The following MCM4 variants were observed in gnomAD, a reference collection of about 807,000 sequenced individuals.
MCM4 encodes the protein minichromosome maintenance complex component 4.
A neutral mutation model predicts 88.7 loss-of-function variants in MCM4; 60 were observed. The observed-to-expected ratio is 0.68, with a 90% confidence interval of 0.55 to 0.84. The LOEUF (loss-of-function observed/expected upper bound fraction) is 0.84, where lower values mean the gene tolerates loss of function less well. MCM4 is among the 40% of genes least tolerant of loss of function. The pLI, the probability that MCM4 is intolerant of heterozygous loss-of-function variation, is 0.00. For synonymous variants in MCM4, 465 were observed against 410.5 expected, an observed-to-expected ratio of 1.13 and a Z score of -1.61; for missense variants, 1,149 against 1,105.5, an observed-to-expected ratio of 1.04 and a Z score of -0.56.
In MCM4 at chr8:47,961,131, G is replaced by C. The variant is rs1418732858; in HGVS notation, c.-14G>C. The C allele has an allele frequency of 6.4e-7, 1 of 1,551,830 alleles. No individual in the cohort carries two copies. Among genetic ancestry groups the C allele is most frequent in the South Asian group, 1.2e-5 (1 of 86,242 alleles). ...GCCCGAGCTTGTCCTTGTCGCGCAG[G>C]TACTCCGAGCACTATGTCGTCCCCG... On this transcript the variant is annotated splice_region_variant and 5_prime_UTR_variant, in exon 2 of 17. Coordinates refer to ENST00000649973, the MANE Select transcript of MCM4 (RefSeq NM_182746.3).
Position 47,974,947 on chromosome 8 carries a change from T to A in MCM4, c.2350T>A (p.Ser784Thr), listed in dbSNP as rs372003508. The A allele has an allele frequency of 3.1e-6, 5 of 1,612,592 alleles. No homozygotes were observed. Among genetic ancestry groups the A allele is most frequent in the Non-Finnish European group, 4.2e-6 (5 of 1,179,016 alleles). ...TDPRTGIVDI[S>T]ILTTGMSATS... is the part of the protein sequence containing the mutation. Reference sequence around the variant, plus strand: ...TCCCCGGACTGGCATCGTGGACATATCTATTCTTACTACGGGTTCGTTATT... The same window carrying A: ...TCCCCGGACTGGCATCGTGGACATAACTATTCTTACTACGGGTTCGTTATT... Residue 784 changes from serine (S) to threonine (T), a missense_variant, in exon 15 of 17, where the codon TCT (serine) becomes ACT (threonine). This residue lies in a region of MCM4 where 238 missense variants were observed against 241.6 expected (regional missense o/e 0.99). Transcript: ENST00000649973.
At chr8:47,967,931 CATTT>C (rs1179740752) in intron 10 of MCM4, among the ~76,000 whole-genome samples, 2 of 152,144 alleles carry the variant, frequency 1.3e-5, no homozygotes, top group East Asian at 1.9e-4. Flanking sequence ...CAAGGGTTAA[CATTT>C]GTTTGTTACA....
intron 13 of MCM4, among the ~76,000 whole-genome samples, chr8:47,972,643 G>A (rs541313506): frequency 3.3e-5 from 5 of 152,084 alleles, no homozygotes; most frequent in South Asian, 4.2e-4. Context: ...CGCAACCTTC[G>A]CCTTCCAGGT....
chr8:47,972,799 C>A, intron 13 of MCM4, 58 bp from the exon 14 acceptor site: 1 of 1,411,860 alleles, frequency 7.1e-7, no homozygotes, highest in Non-Finnish European at 9.9e-7. Context: ...TCAGGTGATC[C>A]ACCTGCCTCG....
In MCM4 at chr8:47,976,831, T is replaced by C; in HGVS notation, c.*53T>C. On this transcript the variant is annotated 3_prime_UTR_variant, in exon 17 of 17. Transcript: ENST00000649973. ...CATGTCCTGCTTGCTGCACGCCACA[T>C]GGGTGTGGTCTGCATCTCAGTTGGC... 1 of 1,157,144 alleles carries C rather than the reference T, an allele frequency of 8.6e-7. No individual in the cohort carries two copies. The highest frequency in any genetic ancestry group is 1.7e-5 in the Admixed American group (1 of 59,198). 71.7% of individuals were successfully genotyped at this position (1,157,144 alleles called of 1,614,324 possible).
intron 14 of MCM4, 70 bp downstream of exon 14, chr8:47,973,134 C>A: frequency 1.6e-6 from 2 of 1,252,238 alleles, no homozygotes; most frequent in South Asian, 1.3e-5. Flanking sequence ...CAATCATCTC[C>A]TTTAAAATAT....
intron 7 of MCM4, among the ~76,000 whole-genome samples, chr8:47,963,773 G>A (rs893889574): frequency 2.6e-5 from 4 of 152,200 alleles, no homozygotes; most frequent in African/African-American, 9.7e-5. Flanking sequence ...GACTCTGGGT[G>A]TAGTCTTTGG....
chr8:47,976,991 C>T lies in MCM4; in HGVS notation c.*213C>T, dbSNP rs886062980. 18 of 370,078 alleles carry T rather than the reference C, an allele frequency of 4.9e-5. No individual in the cohort carries two copies. Among genetic ancestry groups the T allele is most frequent in the Middle Eastern group, 8.6e-4 (1 of 1,158 alleles). 22.9% of individuals were successfully genotyped at this position (370,078 alleles called of 1,614,324 possible). On this transcript the variant is annotated 3_prime_UTR_variant, in exon 17 of 17. Transcript: ENST00000649973. ...AAATAAAAATACTATGCTGGCCGGG[C>T]GCGGTGGCTCACACCTGTAATCCCA...
intron 14 of MCM4, chr8:47,974,149 TGA>T (rs2090980210): frequency 6.6e-6 from 1 of 152,506 alleles, no homozygotes; most frequent in Non-Finnish European, 1.5e-5. Context: ...CCTGGTGCTT[TGA>T]TGAGCTTTGC....
chr8:47,975,903 T>C, intron 16 of MCM4, 55 bp downstream of exon 16: 3 of 1,324,250 alleles, frequency 2.3e-6, no homozygotes, highest in Non-Finnish European at 2.0e-6. Context: ...TTCCTTAATA[T>C]TGCTTTTGGG....
chr8:47,962,390 G>T lies in MCM4; in HGVS notation c.485G>T (p.Cys162Phe). ...IWGTDVNVAA[C>F]KENFQRFLQR... ...GGAACAGATGTAAATGTGGCAGCATGCAAAGAAAACTTTCAGGTGAGCTAC... is the reference window on the plus strand; with the variant it reads ...GGAACAGATGTAAATGTGGCAGCATTCAAAGAAAACTTTCAGGTGAGCTAC... Residue 162 changes from cysteine (C) to phenylalanine (F), a missense_variant, in exon 5 of 17, where the codon TGC becomes TTC. Around this residue, in one of 3 missense-constraint regions of MCM4, gnomAD observed 906 missense variants for 843.0 expected, o/e 1.07. Coordinates refer to ENST00000649973, the MANE Select transcript of MCM4 (RefSeq NM_182746.3). 1 of 1,614,228 alleles carries T rather than the reference G, an allele frequency of 6.2e-7. No homozygotes were observed. The highest frequency in any genetic ancestry group is 8.5e-7 in the Non-Finnish European group (1 of 1,180,044).
rs148576543 is a variant in MCM4, at chr8:47,966,245, C to T, written c.891C>T (p.Pro297=). 4.6e-5 allele frequency: 74 copies of T among 1,614,070 alleles called. No individual in the cohort carries two copies. In the African/African-American group the frequency reaches 4.7e-4, roughly 10 times the overall value. ...TGATCAGGACATCCCAGCTGATTCC[C>T]GAGATGCAGGAGGCCTTCTTCCAGT... ...GMVIRTSQLI[P]EMQEAFFQCQ... Residue 297 remains proline (P), a synonymous_variant, in exon 9 of 17, where the codon CCC becomes CCT. Transcript: ENST00000649973.
rs2090882808 is a variant in MCM4 at position 47,964,694 on chromosome 8, A to G, written c.814A>G (p.Arg272Gly). 6.4e-7 allele frequency: 1 copy of G among 1,565,430 alleles called. No homozygotes were observed. The highest frequency in any genetic ancestry group is 2.3e-5 in the East Asian group (1 of 43,022). The change falls in exon 8 of 17, where the codon AGA (arginine) becomes GGA (glycine). Residue 272 changes from arginine to glycine, a missense_variant. By Grantham distance (125) the Arg-to-Gly change is moderately radical (BLOSUM62 -2). Coordinates refer to ENST00000649973, the MANE Select transcript of MCM4 (RefSeq NM_182746.3). Reference sequence around the variant, plus strand: ...CAACGCATTGAAGACTAAGAATATGAGAAACCTGAATCCAGAAGGTAATGT... The same window carrying G: ...CAACGCATTGAAGACTAAGAATATGGGAAACCTGAATCCAGAAGGTAATGT... ...PFNALKTKNM[R>G]NLNPEDIDQL...
rs2091011602 is a variant in MCM4 at position 47,977,556 on chromosome 8, A to C, written c.*778A>C. 1 of 152,222 alleles carries C rather than the reference A, an allele frequency of 6.6e-6. No individual in the cohort carries two copies. Among genetic ancestry groups the C allele is most frequent in the Non-Finnish European group, 1.5e-5 (1 of 68,096 alleles). The allele number at this position is 152,222 out of a possible 1,614,324, so 9.4% of individuals were successfully genotyped here. A position where few individuals can be genotyped will look rare whatever the true frequency, so the allele number is the denominator to read the frequency against. On this transcript the variant is annotated 3_prime_UTR_variant, in exon 17 of 17. Transcript: ENST00000649973. ...TACTCTGTCACCCTGGCTAGAGTAC[A>C]CTGGTACAATCACGGCTCAATGTAG...
At chr8:47,972,697 C>T (rs1405882453) in intron 13 of MCM4, among the ~76,000 whole-genome samples, 160 bp from the exon 14 acceptor site, 3 of 152,060 alleles carry the variant, frequency 2.0e-5, no homozygotes, top group Non-Finnish European at 4.4e-5. Context: ...GCTGGGATTA[C>T]AGGCAGGCAC....
chr8:47,972,303 T>C lies in MCM4; in HGVS notation c.1929-554T>C, dbSNP rs528387760. Among the ~76,000 whole-genome samples the C allele has an allele frequency of 6.3e-4, 96 of 151,266 alleles. 1 individual carries two copies. In the South Asian group the frequency reaches 0.019, roughly 31 times the overall value. ...AGTAACGTTTCCCTAAGGGAAGACT[T>C]CCTTTGACTCAGCTGATTGGTCCCC... is the stretch of plus-strand genomic sequence containing the variant. On this transcript the variant is annotated intron_variant, in intron 13 of 16. Coordinates refer to ENST00000649973, the MANE Select transcript of MCM4 (RefSeq NM_182746.3).
At chr8:47,971,567 C>A (rs945333527) in intron 13 of MCM4, 99 bp downstream of exon 13, 6 of 1,237,358 alleles carry the variant, frequency 4.8e-6, no homozygotes, top group Non-Finnish European at 6.9e-6. Context: ...GGAAACTCTT[C>A]ACTCTTATCA....
chr8:47,961,266 C>T (rs1010207272), intron 2 of MCM4, 52 bp downstream of exon 2: 30 of 1,435,772 alleles, frequency 2.1e-5, no homozygotes, highest in African/African-American at 9.0e-5. Flanking sequence ...CCCCGTCTGC[C>T]CTCTCGCCGC....
chr8:47,971,246 G>C, intron 12 of MCM4, 95 bp from the exon 13 acceptor site: 1 of 1,433,662 alleles, frequency 7.0e-7, no homozygotes, highest in African/African-American at 1.4e-5. Flanking sequence ...ACTCAGTGGA[G>C]GGAATATGGG....
Sources: allele counts gnomAD v4.1 joint callset (sites outside exome capture counted in the v4.1 genomes callset), GRCh38; gene constraint gnomAD v4.1.1; regional missense constraint gnomAD v4.1.1; transcripts MANE v1.5; gene names NCBI Gene and HGNC (gene_info 2026-07-23, HGNC 2026-07-21).